Variants in PARPBP observed in about 807,000 individuals in gnomAD.
PARPBP encodes PCNA-interacting partner.
In PARPBP, 52 loss-of-function variants were observed where a neutral mutation model predicts 50.0. That is an observed-to-expected ratio of 1.04 (90% CI 0.83 to 1.31). PARPBP has a LOEUF of 1.31. Among genes scored for constraint, PARPBP ranks in the 50% most tolerant of loss-of-function variants. PARPBP has a pLI of 0.00. For missense variants in PARPBP, 697 were observed against 672.0 expected (o/e 1.04, Z -0.41); for synonymous variants, 244 against 232.1 (o/e 1.05, Z -0.47).
intron 7 of PARPBP, among the ~76,000 whole-genome samples, chr12:102,178,008 C>G (rs1359934792): frequency 2.0e-5 from 3 of 152,190 alleles, no homozygotes; most frequent in Non-Finnish European, 4.4e-5. Flanking sequence ...AGAAATAGCA[C>G]TTAGCATTCT....
chr12:102,196,641 A>C lies in PARPBP; in HGVS notation c.*350A>C. On this transcript the variant is annotated 3_prime_UTR_variant, in exon 11 of 11. Coordinates refer to ENST00000327680, the MANE Select transcript of PARPBP (RefSeq NM_017915.5). ...ATTTTCTTCTGAAAAGATGATGTGGACCAACAGGTATCAGACTTGCCAACA... is the reference window on the plus strand; with the variant it reads ...ATTTTCTTCTGAAAAGATGATGTGGCCCAACAGGTATCAGACTTGCCAACA... 1 of 1,598,016 alleles carries C rather than the reference A, an allele frequency of 6.3e-7. No homozygotes were observed. The highest frequency in any genetic ancestry group is 8.6e-7 in the Non-Finnish European group (1 of 1,165,698).
intron 2 of PARPBP, among the ~76,000 whole-genome samples, chr12:102,139,951 T>G (rs1476075811): frequency 2.0e-5 from 3 of 152,156 alleles, no homozygotes; most frequent in African/African-American, 4.8e-5. Context: ...TCTCTTTTTT[T>G]GTTGTGTCTC....
At chr12:102,126,859 T>A (rs1393278187) in intron 2 of PARPBP, among the ~76,000 whole-genome samples, 1 of 152,214 alleles carries the variant, frequency 6.6e-6, no homozygotes, top group Non-Finnish European at 1.5e-5. Flanking sequence ...ATTTTCAAGA[T>A]CTTTTCAGGT....
At chr12:102,133,606 T>C (rs1883185235) in intron 2 of PARPBP, among the ~76,000 whole-genome samples, 1 of 152,136 alleles carries the variant, frequency 6.6e-6, no homozygotes, top group African/African-American at 2.4e-5. Context: ...TTTTTTCTTG[T>C]AGTGTCCTAG....
chr12:102,167,112 T>C (rs1888212273), intron 6 of PARPBP, among the ~76,000 whole-genome samples: 1 of 152,174 alleles, frequency 6.6e-6, no homozygotes, highest in East Asian at 1.9e-4. Flanking sequence ...TCGTTAGGCC[T>C]GTGTCAGAGT....
At chr12:102,188,395 T>A (rs1407377945) in intron 9 of PARPBP, among the ~76,000 whole-genome samples, 1 of 152,006 alleles carries the variant, frequency 6.6e-6, no homozygotes, top group Non-Finnish European at 1.5e-5. Context: ...CAGAGATCCC[T>A]ACAAGGCTCG....
At chr12:102,182,156 A>G (rs1030804988) in intron 8 of PARPBP, among the ~76,000 whole-genome samples, 1 of 152,176 alleles carries the variant, frequency 6.6e-6, no homozygotes, top group African/African-American at 2.4e-5. Flanking sequence ...TTCCTGAGCT[A>G]GCAATATGTA....
At chr12:102,195,215 T>A in intron 9 of PARPBP, 97 bp from the exon 10 acceptor site, 1 of 694,448 alleles carries the variant, frequency 1.4e-6, no homozygotes, top group Non-Finnish European at 2.2e-6. Context: ...TAAGGGAAAT[T>A]TTTATACCTT....
chr12:102,147,329 A>G (rs1475758078), intron 2 of PARPBP, among the ~76,000 whole-genome samples: 3 of 152,132 alleles, frequency 2.0e-5, no homozygotes, highest in African/African-American at 7.2e-5. Context: ...ATGTCCAACA[A>G]TGATAGACTG....
chr12:102,146,768 G>C (rs1885413522), intron 2 of PARPBP, among the ~76,000 whole-genome samples: 1 of 152,166 alleles, frequency 6.6e-6, no homozygotes, highest in African/African-American at 2.4e-5. Flanking sequence ...ACTACCGTCA[G>C]AGTGAACAGG....
intron 6 of PARPBP, among the ~76,000 whole-genome samples, chr12:102,174,847 G>A (rs959603995): frequency 2.6e-5 from 4 of 152,186 alleles, no homozygotes; most frequent in Admixed American, 2.6e-4. Flanking sequence ...TTGTCTGTTG[G>A]CCATAGTTGG....
intron 7 of PARPBP, among the ~76,000 whole-genome samples, chr12:102,175,934 A>G (rs778085433): frequency 6.6e-6 from 1 of 152,002 alleles, no homozygotes; most frequent in African/African-American, 2.4e-5. Flanking sequence ...CTAAAAACTT[A>G]TAATTCTTGA....
At chr12:102,168,158 T>C (rs958030290) in intron 6 of PARPBP, among the ~76,000 whole-genome samples, 1 of 152,176 alleles carries the variant, frequency 6.6e-6, no homozygotes, top group Non-Finnish European at 1.5e-5. Context: ...ATGGAAACTT[T>C]TTTGTTTTTT....
intron 4 of PARPBP, among the ~76,000 whole-genome samples, chr12:102,159,275 C>T (rs1594551998): frequency 2.0e-5 from 3 of 151,890 alleles, no homozygotes; most frequent in South Asian, 2.1e-4. Context: ...GGATTACAGG[C>T]CGTGCCACCA....
rs541577473 is a variant in PARPBP, at chr12:102,172,006, T to C, written c.822-3477T>C. The stretch of plus-strand genomic sequence containing the variant: ...GTATGGTATGGAAAAGCAGTCACTT[T>C]ATTTAGGAAAGTGAAGAACTCAGTA... On this transcript the variant is annotated intron_variant, in intron 6 of 10. Transcript: ENST00000327680. Among the ~76,000 whole-genome samples, 27 of 152,338 alleles carry C rather than the reference T, an allele frequency of 1.8e-4. 1 individual carries two copies. Among genetic ancestry groups the C allele is most frequent in the African/African-American group, 4.8e-4 (20 of 41,572 alleles).
intron 2 of PARPBP, among the ~76,000 whole-genome samples, chr12:102,134,238 C>CAAAAAAAAAA (rs771158918): frequency 2.2e-5 from 2 of 91,334 alleles, no homozygotes; most frequent in African/African-American, 7.7e-5. Flanking sequence ...AGAGAAGCCT[C>CAAAAAAAAAA]AAAAAAAAAA....
intron 9 of PARPBP, among the ~76,000 whole-genome samples, chr12:102,195,019 G>A (rs1208196072): frequency 6.6e-6 from 1 of 151,336 alleles, no homozygotes; most frequent in Non-Finnish European, 1.5e-5. Context: ...ACAGGAACAT[G>A]TAACAAAGCC....
rs772576989 is a variant in PARPBP at position 102,153,921 on chromosome 12, C to G, written c.440C>G (p.Thr147Ser). ...AAACAGTATGCAGTAGGTGATGAAA[C>G]TGATCTTTCTATACCAACATCACCA... ...SGKQYAVGDE[T>S]DLSIPTSPTS... Residue 147 changes from threonine to serine, a missense_variant, in exon 4 of 11, where the codon ACT becomes AGT. Thr to Ser is a moderately conservative substitution (Grantham distance 58, BLOSUM62 1). Transcript: ENST00000327680. 14 of 1,611,548 alleles carry G rather than the reference C, an allele frequency of 8.7e-6. No individual in the cohort carries two copies. The highest frequency in any genetic ancestry group is 1.2e-5 in the Non-Finnish European group (14 of 1,177,904).
At position 102,148,438 on chromosome 12, in the gene PARPBP, G is replaced by T. The variant is rs895743436; in HGVS notation, c.362G>T (p.Cys121Phe). 2.1e-6 allele frequency: 3 copies of T among 1,450,444 alleles called. No individual in the cohort carries two copies. Among genetic ancestry groups the T allele is most frequent in the East Asian group, 4.6e-5 (2 of 43,490 alleles). The allele number at this position is 1,450,444 out of a possible 1,614,324, so 89.8% of individuals were successfully genotyped here. Residue 121 changes from cysteine to phenylalanine, a missense_variant, in exon 3 of 11, where the codon TGT becomes TTT. Cys to Phe is a radical substitution (Grantham distance 205). Transcript: ENST00000327680. ...AAATGTAGGGCTTTGACTTCTAATT[G>T]TGAAAATTATAACACAGTATCTCCT... is the stretch of plus-strand genomic sequence containing the variant. ...YQKCRALTSN[C>F]ENYNTVSPSQ... is the part of the protein sequence containing the mutation.
Sources: allele counts gnomAD v4.1 joint callset (sites outside exome capture counted in the v4.1 genomes callset), GRCh38; gene constraint gnomAD v4.1.1; transcripts MANE v1.5; gene names NCBI Gene and HGNC (gene_info 2026-07-23, HGNC 2026-07-21).